Variants in SETBP1 observed in about 807,000 individuals in gnomAD.
SETBP1 encodes SET binding protein 1, also known as SET-binding protein.
In SETBP1, 9 loss-of-function variants were observed where a neutral mutation model predicts 101.0. That is an observed-to-expected ratio of 0.09 (90% CI 0.05 to 0.16). The LOEUF (loss-of-function observed/expected upper bound fraction) is 0.16, where lower values mean the gene tolerates loss of function less well. Among genes scored for constraint, SETBP1 ranks in the 10% least tolerant of loss-of-function variants. The probability of loss-of-function intolerance (pLI) is 1.00; values close to 1 mark genes in which losing one functional copy is unlikely to be tolerated. For synonymous variants in SETBP1, 818 were observed against 788.5 expected, an observed-to-expected ratio of 1.04 and a Z score of -0.63; for missense variants, 1,858 against 2,033.8, an observed-to-expected ratio of 0.91 and a Z score of 1.66.
intron 5 of SETBP1, among the ~76,000 whole-genome samples, chr18:45,053,314 C>A (rs9964603): frequency 1.5e-3 from 221 of 152,094 alleles, no homozygotes; most frequent in African/African-American, 5.2e-3. Flanking sequence ...AGAGAGTGAT[C>A]AAAATGAAAA....
intron 3 of SETBP1, among the ~76,000 whole-genome samples, chr18:44,875,746 A>G (rs1279045647): frequency 1.3e-5 from 2 of 152,150 alleles, no homozygotes; most frequent in East Asian, 3.9e-4. Flanking sequence ...AACATTTTGT[A>G]AAATTAATAG....
At chr18:44,885,144 G>T (rs1014567050) in intron 3 of SETBP1, among the ~76,000 whole-genome samples, 1 of 152,102 alleles carries the variant, frequency 6.6e-6, no homozygotes, top group African/African-American at 2.4e-5. Flanking sequence ...TAGACCTGAA[G>T]TTGTCATTAC....
chr18:44,899,601 TA>T (rs2069990918), intron 3 of SETBP1, among the ~76,000 whole-genome samples: 1 of 152,174 alleles, frequency 6.6e-6, no homozygotes, highest in Non-Finnish European at 1.5e-5. Context: ...GGCCCACACT[TA>T]GAAGATCTCA....
intron 2 of SETBP1, among the ~76,000 whole-genome samples, chr18:44,739,829 C>T (rs1428382631): frequency 6.6e-6 from 1 of 152,192 alleles, no homozygotes; most frequent in African/African-American, 2.4e-5. Flanking sequence ...ATTATGGTTA[C>T]TGTGTGAAGA....
intron 1 of SETBP1, among the ~76,000 whole-genome samples, chr18:44,695,859 CTTTTT>C (rs749678683): frequency 7.0e-6 from 1 of 142,064 alleles, no homozygotes; most frequent in Non-Finnish European, 1.5e-5. Flanking sequence ...GGGAAACCAC[CTTTTT>C]TTTTTTTTTC....
chr18:44,949,743 G>T (rs976562875), intron 3 of SETBP1, 138 bp from the exon 4 acceptor site: 12 of 715,982 alleles, frequency 1.7e-5, no homozygotes, highest in Non-Finnish European at 2.9e-5. Context: ...TAAAATTAAA[G>T]GTGGCTGTTC....
At chr18:44,946,215 T>C (rs1176924469) in intron 3 of SETBP1, among the ~76,000 whole-genome samples, 1 of 152,166 alleles carries the variant, frequency 6.6e-6, no homozygotes, top group Non-Finnish European at 1.5e-5. Context: ...GCTTCCCTTT[T>C]GTCCACCCTG....
chr18:44,946,364 G>T (rs570144933), intron 3 of SETBP1, among the ~76,000 whole-genome samples: 1 of 152,216 alleles, frequency 6.6e-6, no homozygotes, highest in Non-Finnish European at 1.5e-5. Context: ...TGCCCTGGGC[G>T]TAAGTGAGCA....
chr18:44,891,102 A>G (rs1488865317), intron 3 of SETBP1, among the ~76,000 whole-genome samples: 5 of 152,174 alleles, frequency 3.3e-5, no homozygotes, highest in Non-Finnish European at 5.9e-5. Context: ...TTACATGGAT[A>G]GCAGCAGATA....
intron 4 of SETBP1, among the ~76,000 whole-genome samples, chr18:44,956,266 A>G (rs1328015488): frequency 6.6e-6 from 1 of 151,976 alleles, no homozygotes; most frequent in Admixed American, 6.6e-5. Context: ...CCCCCAAAGC[A>G]TGAGAGAAAA....
At chr18:44,886,281 T>A (rs1203854129) in intron 3 of SETBP1, among the ~76,000 whole-genome samples, 1 of 152,148 alleles carries the variant, frequency 6.6e-6, no homozygotes, top group African/African-American at 2.4e-5. Context: ...TTTATTCTTG[T>A]CCATCCCATT....
intron 4 of SETBP1, among the ~76,000 whole-genome samples, chr18:45,030,880 C>T (rs1253471279): frequency 7.9e-5 from 12 of 151,846 alleles, no homozygotes; most frequent in South Asian, 6.3e-4. Flanking sequence ...TTTTTTATTG[C>T]GTCTATTTGA....
At chr18:44,771,358 C>T (rs1343392106) in intron 2 of SETBP1, among the ~76,000 whole-genome samples, 2 of 146,012 alleles carry the variant, frequency 1.4e-5, no homozygotes, top group African/African-American at 2.5e-5. Flanking sequence ...CAGGTGGTGT[C>T]AGGTCCCGTT....
chr18:44,871,352 C>T (rs1471476857), intron 3 of SETBP1: 7 of 152,250 alleles, frequency 4.6e-5, no homozygotes, highest in African/African-American at 1.7e-4. Flanking sequence ...GTTATTTTTC[C>T]CCTTCTCTCT....
chr18:44,951,210 A>G lies in SETBP1; in HGVS notation c.1870A>G (p.Lys624Glu). ...AGAGTTTCCTGGCACTAAGAAAAGAAAGCGACGACGCAATTTAGCGAAGTT... is the reference window on the plus strand; with the variant it reads ...AGAGTTTCCTGGCACTAAGAAAAGAGAGCGACGACGCAATTTAGCGAAGTT... Reference protein sequence around the residue: ...SREFPGTKKRKRRRNLAKLAQ... With the variant: ...SREFPGTKKRERRRNLAKLAQ... The change falls in exon 4 of 6, where the codon AAG becomes GAG. Residue 624 changes from lysine to glutamate, a missense_variant. Coordinates refer to ENST00000649279, the MANE Select transcript of SETBP1 (RefSeq NM_015559.3). The surrounding 1 kb of genome is among the most constrained non-coding windows in gnomAD (Gnocchi z 7.8). The G allele has an allele frequency of 1.2e-6, 2 of 1,614,150 alleles. No homozygotes were observed. The highest frequency in any genetic ancestry group is 1.7e-6 in the Non-Finnish European group (2 of 1,180,034).
At chr18:44,900,535 T>C (rs2070018919) in intron 3 of SETBP1, among the ~76,000 whole-genome samples, 1 of 152,228 alleles carries the variant, frequency 6.6e-6, no homozygotes, top group South Asian at 2.1e-4. Context: ...ATTTATTTTC[T>C]CTGTTCTCCC....
chr18:44,934,409 G>A lies in SETBP1; in HGVS notation c.541-15472G>A, dbSNP rs534119380. 1.2e-4 allele frequency among the ~76,000 whole-genome samples: 19 copies of A among 152,234 alleles called. 1 individual carries two copies. The East Asian group carries it at 3.1e-3, about 25-fold the overall frequency. ...AGTGATCTGCCCTCCTCGGCCTCCC[G>A]AAGTGCTGGGATTACAGGTGTGAGC... On this transcript the variant is annotated intron_variant, in intron 3 of 5. Coordinates refer to ENST00000649279, the MANE Select transcript of SETBP1 (RefSeq NM_015559.3).
At chr18:45,037,635 C>T (rs548395188) in intron 4 of SETBP1, among the ~76,000 whole-genome samples, 38 of 152,146 alleles carry the variant, frequency 2.5e-4, no homozygotes, top group Admixed American at 1.8e-3. Flanking sequence ...TAGATTCAAG[C>T]TCAGGAAATG....
intron 2 of SETBP1, among the ~76,000 whole-genome samples, chr18:44,867,695 C>T (rs1193445195): frequency 6.6e-6 from 1 of 152,044 alleles, no homozygotes; most frequent in Non-Finnish European, 1.5e-5. Flanking sequence ...GCCCCCAAGA[C>T]ACCTTCCACA....
Sources: gnomAD v4.1 joint callset for allele counts (sites outside exome capture counted in the v4.1 genomes callset) on GRCh38, gnomAD v4.1.1 for gene constraint, Gnocchi (gnomAD v3.1) non-coding constraint, MANE v1.5 for transcripts, NCBI Gene and HGNC (gene_info 2026-07-23, HGNC 2026-07-21) for gene names.